The following PDIA6 variants were observed in gnomAD, a reference collection of about 807,000 sequenced individuals.
PDIA6 encodes the protein protein disulfide-isomerase A6.
Under a neutral mutation model 58.4 loss-of-function variants are expected in PDIA6, and 29 were observed. That is an observed-to-expected ratio of 0.50 (90% CI 0.37 to 0.68). PDIA6 has a LOEUF of 0.68. Among genes scored for constraint, PDIA6 ranks in the 30% least tolerant of loss-of-function variants. PDIA6 has a pLI of 0.00. For missense variants in PDIA6, 480 were observed against 551.0 expected (o/e 0.87, Z 1.29); for synonymous variants, 192 against 202.6 (o/e 0.95, Z 0.44).
chr2:10,823,779 G>A (rs973969162), intron 1 of PDIA6, among the ~76,000 whole-genome samples: 1 of 152,016 alleles, frequency 6.6e-6, no homozygotes, highest in African/African-American at 2.4e-5. Context: ...TCCAGTCATA[G>A]GGAGTGTTGA....
intron 2 of PDIA6, among the ~76,000 whole-genome samples, chr2:10,800,290 A>G (rs1300869967): frequency 6.6e-6 from 1 of 152,212 alleles, no homozygotes; most frequent in Non-Finnish European, 1.5e-5. Flanking sequence ...GAGCGACAAC[A>G]TGACACTCAC....
At chr2:10,796,632 C>G (rs140259496) in intron 4 of PDIA6, among the ~76,000 whole-genome samples, 3 of 152,240 alleles carry the variant, frequency 2.0e-5, no homozygotes, top group African/African-American at 7.2e-5. Flanking sequence ...ATTTACTTAT[C>G]TACAAAACAG....
At chr2:10,832,386 C>A in exon 1 of PDIA6, 1 of 982,820 alleles carries the variant, frequency 1.0e-6, no homozygotes, top group Non-Finnish European at 1.2e-6. Context: ...CAGATATCCT[C>A]GCCATCTACG....
At chr2:10,826,428 T>G (rs938590681) in intron 1 of PDIA6, among the ~76,000 whole-genome samples, 1 of 152,068 alleles carries the variant, frequency 6.6e-6, no homozygotes, top group Non-Finnish European at 1.5e-5. Flanking sequence ...GGCGCAGTCT[T>G]GGCTCACTGC....
At chr2:10,817,293 G>A (rs1022693874), upstream of PDIA6, among the ~76,000 whole-genome samples, 4 of 152,330 alleles carry the variant, frequency 2.6e-5, no homozygotes, top group Middle Eastern at 3.4e-3. Context: ...GCAGCTGATG[G>A]TGACGCTGTT....
intron 1 of PDIA6, among the ~76,000 whole-genome samples, chr2:10,809,803 A>C (rs545794301): frequency 5.4e-4 from 83 of 152,310 alleles, no homozygotes; most frequent in Non-Finnish European, 1.0e-3. Context: ...AAAATGGAAA[A>C]GCAAAAGAGT....
chr2:10,799,336 G>A (rs1177688818), intron 2 of PDIA6, among the ~76,000 whole-genome samples: 1 of 152,172 alleles, frequency 6.6e-6, no homozygotes, highest in Non-Finnish European at 1.5e-5. Context: ...AATGCTAGGT[G>A]CCAGCACCAT....
Position 10,828,063 on chromosome 2 carries a change from C to A in PDIA6, c.-48+4139G>T, listed in dbSNP as rs181681551. 2.9e-3 allele frequency among the ~76,000 whole-genome samples: 439 copies of A among 152,110 alleles called. 1 individual carries two copies. The highest frequency in any genetic ancestry group is 0.01 in the African/African-American group (421 of 41,484). ...CTTCCCCACTATCAACATCCCACAC[C>A]GCAGCAGCCCGCATGTTTGTTACAA... On this transcript the variant is annotated intron_variant, in intron 1 of 13. Transcript: ENST00000381611.
chr2:10,798,295 C>A (rs1269507612), intron 2 of PDIA6, among the ~76,000 whole-genome samples: 1 of 152,098 alleles, frequency 6.6e-6, no homozygotes, highest in Non-Finnish European at 1.5e-5. Context: ...AAAAAAGCTT[C>A]CAGCCAGGTG....
intron 10 of PDIA6, among the ~76,000 whole-genome samples, chr2:10,788,445 A>C (rs1403097604): frequency 6.6e-6 from 1 of 152,162 alleles, no homozygotes; most frequent in African/African-American, 2.4e-5. Flanking sequence ...ACTTGAGGTC[A>C]GGAGTTTTGA....
At chr2:10,798,136 G>T (rs542845331) in intron 2 of PDIA6, among the ~76,000 whole-genome samples, 479 of 152,250 alleles carry the variant, frequency 3.1e-3, no homozygotes, top group African/African-American at 0.011. Context: ...CAAGAGCTGA[G>T]ATCATGCCGC....
At chr2:10,797,831 TA>T (rs1666334874) in intron 2 of PDIA6, 74 bp from the exon 3 acceptor site, 2 of 1,202,278 alleles carry the variant, frequency 1.7e-6, no homozygotes, top group Non-Finnish European at 1.2e-6. Flanking sequence ...AAAATTCAAT[TA>T]AAAAACCCCA....
upstream of PDIA6, among the ~76,000 whole-genome samples, chr2:10,832,904 C>T (rs971729593): frequency 1.3e-5 from 2 of 152,062 alleles, no homozygotes; most frequent in African/African-American, 2.4e-5. Context: ...AGGTCGAGGC[C>T]AGCGCTGGTC....
At chr2:10,785,439 G>A (rs191480580) in intron 11 of PDIA6, among the ~76,000 whole-genome samples, 115 of 152,326 alleles carry the variant, frequency 7.5e-4, no homozygotes, top group African/African-American at 2.5e-3. Flanking sequence ...CCAGTGCGCT[G>A]GCAGAGAGCG....
intron 1 of PDIA6, chr2:10,820,970 G>C: frequency 3.0e-6 from 2 of 663,200 alleles, no homozygotes; most frequent in Non-Finnish European, 2.8e-6. Context: ...TTTGGAAACT[G>C]ACCCTGGTTA....
intron 1 of PDIA6, among the ~76,000 whole-genome samples, chr2:10,830,288 T>C (rs973949424): frequency 6.6e-6 from 1 of 152,212 alleles, no homozygotes; most frequent in African/African-American, 2.4e-5. Flanking sequence ...AATGAACGCA[T>C]CCGTGAATAA....
At chr2:10,822,485 A>G (rs1323863322) in intron 1 of PDIA6, among the ~76,000 whole-genome samples, 4 of 151,758 alleles carry the variant, frequency 2.6e-5, no homozygotes, top group Non-Finnish European at 5.9e-5. Flanking sequence ...GATGGTCTCG[A>G]TCTCCTGACC....
chr2:10,829,079 T>G (rs1667634329), intron 1 of PDIA6, among the ~76,000 whole-genome samples: 1 of 152,206 alleles, frequency 6.6e-6, no homozygotes, highest in Non-Finnish European at 1.5e-5. Flanking sequence ...TCAACAGGTC[T>G]TCGTGCCCTT....
At position 10,811,361 on chromosome 2, in the gene PDIA6, C is replaced by A. The variant is rs115333718; in HGVS notation, c.19+1317G>T. On this transcript the variant is annotated intron_variant, in intron 1 of 12. Transcript: ENST00000272227. ...CCTGAGCAATACAATGAGACCCTGA[C>A]TCTACAAAAAATTTAAAAATTAGCC... Among the ~76,000 whole-genome samples, 737 of 152,262 alleles carry A rather than the reference C, an allele frequency of 4.8e-3. 4 individuals carry two copies. The highest frequency in any genetic ancestry group is 0.017 in the African/African-American group (709 of 41,540).
Sources: allele counts gnomAD v4.1 joint callset (sites outside exome capture counted in the v4.1 genomes callset), GRCh38; gene constraint gnomAD v4.1.1; transcripts MANE v1.5; gene names NCBI Gene and HGNC (gene_info 2026-07-23, HGNC 2026-07-21).